Variants in SKAP2 observed in about 807,000 individuals in gnomAD.
The protein encoded by SKAP2 is src kinase associated phosphoprotein 2.
A neutral mutation model predicts 54.9 loss-of-function variants in SKAP2; 28 were observed. The observed-to-expected ratio is 0.51, with a 90% CI of 0.38 to 0.70. The LOEUF (loss-of-function observed/expected upper bound fraction) is 0.70, where lower values mean the gene tolerates loss of function less well. SKAP2 is among the 30% of genes least tolerant of loss of function. The probability of loss-of-function intolerance (pLI) is 0.00; values close to 1 mark genes in which losing one functional copy is unlikely to be tolerated. For missense variants in SKAP2, 356 were observed against 424.1 expected (o/e 0.84, Z 1.41); for synonymous variants, 137 against 134.3 (o/e 1.02, Z -0.14).
At chr7:26,682,444 C>T (rs1786523921) in intron 11 of SKAP2, among the ~76,000 whole-genome samples, 1 of 152,194 alleles carries the variant, frequency 6.6e-6, no homozygotes, top group Non-Finnish European at 1.5e-5. Flanking sequence ...TTTTTATCCT[C>T]ACCAAGATTT....
intron 9 of SKAP2, among the ~76,000 whole-genome samples, chr7:26,712,661 T>C (rs1162736643): frequency 6.6e-6 from 1 of 152,132 alleles, no homozygotes; most frequent in African/African-American, 2.4e-5. Flanking sequence ...ATAGTAATAA[T>C]ACCTATACCA....
At chr7:26,751,381 C>T (rs1461760087) in intron 4 of SKAP2, among the ~76,000 whole-genome samples, 2 of 152,160 alleles carry the variant, frequency 1.3e-5, no homozygotes, top group Non-Finnish European at 2.9e-5. Context: ...AAGGCTCTCA[C>T]TCTATTTCAC....
At chr7:26,843,308 C>A (rs1225546056) in intron 4 of SKAP2, among the ~76,000 whole-genome samples, 1 of 151,978 alleles carries the variant, frequency 6.6e-6, no homozygotes, top group Non-Finnish European at 1.5e-5. Context: ...TTTATTGATA[C>A]ACATTCTTAA....
intron 4 of SKAP2, among the ~76,000 whole-genome samples, chr7:26,770,981 C>G (rs1233971850): frequency 2.6e-5 from 4 of 151,994 alleles, no homozygotes; most frequent in African/African-American, 9.7e-5. Context: ...ACAAGTATAA[C>G]AACTGTTTAG....
chr7:26,863,917 T>G (rs1158689485), intron 1 of SKAP2, among the ~76,000 whole-genome samples: 1 of 151,976 alleles, frequency 6.6e-6, no homozygotes, highest in Non-Finnish European at 1.5e-5. Flanking sequence ...TCTTTGCATC[T>G]CTACATCCTC....
chr7:26,809,197 T>A (rs1784087291), intron 4 of SKAP2, among the ~76,000 whole-genome samples: 1 of 152,100 alleles, frequency 6.6e-6, no homozygotes, highest in South Asian at 2.1e-4. Flanking sequence ...GCAGATCACC[T>A]GAGGTCAGGA....
rs73075598 is a variant in SKAP2, at chr7:26,708,486, T to C, written c.796+16942A>G. 8.8e-3 allele frequency among the ~76,000 whole-genome samples: 1,343 copies of C among 152,328 alleles called. 18 individuals carry two copies. The highest frequency in any genetic ancestry group is 0.014 in the Non-Finnish European group (975 of 68,022). On this transcript the variant is annotated intron_variant, in intron 9 of 12. Coordinates refer to ENST00000345317, the MANE Select transcript of SKAP2 (RefSeq NM_003930.5). ...TATGAACTCCCGTTTCCCTATAACA[T>C]TGAATGTGCTATAATCTGGTCTCTT...
chr7:26,752,790 CACAAAA>C (rs1479420089), intron 4 of SKAP2, among the ~76,000 whole-genome samples: 1 of 152,114 alleles, frequency 6.6e-6, no homozygotes, highest in African/African-American at 2.4e-5. Flanking sequence ...ATCATCTTAA[CACAAAA>C]ACAAATCAGC....
rs527263307 is a variant in SKAP2 at position 26,855,194 on chromosome 7, G to T, written c.68-304C>A. The T allele has an allele frequency of 5.5e-5, 10 of 182,322 alleles. No individual in the cohort carries two copies. In the East Asian group the frequency reaches 1.4e-3, roughly 26 times the overall value. The allele number at this position is 182,322 out of a possible 1,614,324, so 11.3% of individuals were successfully genotyped here. A position where few individuals can be genotyped will look rare whatever the true frequency, so the allele number is the denominator to read the frequency against. On this transcript the variant is annotated intron_variant, in intron 1 of 12. Coordinates refer to ENST00000345317, the MANE Select transcript of SKAP2 (RefSeq NM_003930.5). ...ACACCAAGTTTTAATAAACTATGGT[G>T]CCCCATAAAACAAATTCTTTATATG...
intron 2 of SKAP2, among the ~76,000 whole-genome samples, 197 bp downstream of exon 2, chr7:26,854,588 G>A (rs1785120476): frequency 6.6e-6 from 1 of 151,936 alleles, no homozygotes; most frequent in African/African-American, 2.4e-5. Flanking sequence ...ACATAATCAA[G>A]AAGGGTACTA....
intron 4 of SKAP2, among the ~76,000 whole-genome samples, chr7:26,796,707 A>G (rs1295620191): frequency 6.6e-6 from 1 of 152,228 alleles, no homozygotes; most frequent in Non-Finnish European, 1.5e-5. Context: ...AATTTTCTTA[A>G]TAACATTTCT....
At chr7:26,775,256 C>T (rs1390730649) in intron 4 of SKAP2, among the ~76,000 whole-genome samples, 3 of 152,102 alleles carry the variant, frequency 2.0e-5, no homozygotes, top group African/African-American at 7.2e-5. Context: ...AACATAAAAA[C>T]ATGATCAAGT....
chr7:26,810,780 C>G (rs565306564), intron 4 of SKAP2, among the ~76,000 whole-genome samples: 26 of 152,290 alleles, frequency 1.7e-4, no homozygotes, highest in Middle Eastern at 3.4e-3. Context: ...TTCCCAGGTT[C>G]AAGCGATTCT....
At chr7:26,687,206 G>A (rs1213868653) in intron 10 of SKAP2, among the ~76,000 whole-genome samples, 1 of 149,852 alleles carries the variant, frequency 6.7e-6, no homozygotes, top group Non-Finnish European at 1.5e-5. Context: ...GGAGTTACAG[G>A]AGCACATGAG....
In SKAP2 at chr7:26,864,408, A is replaced by T; in HGVS notation, c.22T>A (p.Ser8Thr). MPNPSSTSSPYPLPEEIR... is the reference protein window; with the variant it reads MPNPSSTTSPYPLPEEIR... Reference sequence around the variant, plus strand: ...TCCTCAGGGAGGGGGTAGGGAGAGGAGGTGCTGCTGGGGTTGGGCATGTTA... The same window carrying T: ...TCCTCAGGGAGGGGGTAGGGAGAGGTGGTGCTGCTGGGGTTGGGCATGTTA... The change falls in exon 1 of 13, where the codon TCC (serine) becomes ACC (threonine). Residue 8 changes from serine (S) to threonine (T), a missense_variant. By Grantham distance (58) the Ser-to-Thr change is moderately conservative (BLOSUM62 1). Transcript: ENST00000345317. 1 of 1,610,868 alleles carries T rather than the reference A, an allele frequency of 6.2e-7. No homozygotes were observed. The highest frequency in any genetic ancestry group is 8.5e-7 in the Non-Finnish European group (1 of 1,178,484).
chr7:26,664,411 T>C (rs956792581), downstream of SKAP2, among the ~76,000 whole-genome samples: 6 of 152,132 alleles, frequency 3.9e-5, no homozygotes, highest in African/African-American at 1.4e-4. Flanking sequence ...GTTTTCTAAA[T>C]AGACTCCCAT....
intron 4 of SKAP2, among the ~76,000 whole-genome samples, chr7:26,779,911 A>G (rs1783390912): frequency 3.3e-5 from 5 of 152,092 alleles, no homozygotes; most frequent in Admixed American, 3.3e-4. Context: ...GATGACCTGC[A>G]CTGACTAAGC....
At chr7:26,701,791 G>C (rs1787033045) in intron 9 of SKAP2, among the ~76,000 whole-genome samples, 1 of 152,030 alleles carries the variant, frequency 6.6e-6, no homozygotes, top group Non-Finnish European at 1.5e-5. Flanking sequence ...TCATTGAATA[G>C]ATTCTAGCAC....
At chr7:26,704,957 G>A (rs1353050260) in intron 9 of SKAP2, among the ~76,000 whole-genome samples, 1 of 152,152 alleles carries the variant, frequency 6.6e-6, no homozygotes, top group Non-Finnish European at 1.5e-5. Context: ...CTGCTCTTAT[G>A]TAAAAGAGCC....
Sources: gnomAD v4.1 joint callset for allele counts (sites outside exome capture counted in the v4.1 genomes callset) on GRCh38, gnomAD v4.1.1 for gene constraint, MANE v1.5 for transcripts, NCBI Gene and HGNC (gene_info 2026-07-23, HGNC 2026-07-21) for gene names.